XRCC6: variants seen among roughly 807,000 people sequenced by gnomAD.
The protein encoded by XRCC6 is X-ray repair cross complementing 6.
XRCC6 carries 5 observed loss-of-function variants against 65.7 expected under a neutral mutation model. That is an observed-to-expected ratio of 0.08 (90% CI 0.04 to 0.16). The LOEUF (loss-of-function observed/expected upper bound fraction) is 0.16, where lower values mean the gene tolerates loss of function less well. XRCC6 is among the 10% of genes least tolerant of loss of function. XRCC6 has a pLI of 1.00. For missense variants in XRCC6, 447 were observed against 738.1 expected (o/e 0.61, Z 4.57); for synonymous variants, 270 against 270.6 (o/e 1.00, Z 0.02).
intron 3 of XRCC6, 171 bp downstream of exon 3, chr22:41,628,401 T>C (rs2067702436): frequency 4.0e-6 from 2 of 506,016 alleles, no homozygotes; most frequent in Non-Finnish European, 7.0e-6. Flanking sequence ...CTACAAAAAA[T>C]ACACAAATCA....
At position 41,622,011 on chromosome 22, in the gene XRCC6, G is replaced by A; in HGVS notation, c.7G>A (p.Gly3Arg). 6.2e-7 allele frequency: 1 copy of A among 1,614,248 alleles called. No individual in the cohort carries two copies. Among genetic ancestry groups the A allele is most frequent in the Non-Finnish European group, 8.5e-7 (1 of 1,180,036 alleles). The change falls in exon 2 of 13, where the codon GGG becomes AGG. Residue 3 changes from glycine to arginine, a missense_variant. This residue lies in a region of XRCC6 where 228 missense variants were observed against 307.4 expected (regional missense o/e 0.74). Transcript: ENST00000360079. ...CTAGTGAGCAGTAGCCAACATGTCAGGGTGGGAGTCATATTACAAAACCGA... is the reference window on the plus strand; with the variant it reads ...CTAGTGAGCAGTAGCCAACATGTCAAGGTGGGAGTCATATTACAAAACCGA... MSGWESYYKTEGD... is the reference protein window; with the variant it reads MSRWESYYKTEGD...
chr22:41,647,831 C>T (rs1222326207), intron 7 of XRCC6, among the ~76,000 whole-genome samples: 1 of 152,058 alleles, frequency 6.6e-6, no homozygotes, highest in Non-Finnish European at 1.5e-5. Context: ...CTTCAGCCTC[C>T]TAAAGTGCTG....
intron 6 of XRCC6, among the ~76,000 whole-genome samples, chr22:41,642,189 T>C (rs562212714): frequency 3.3e-5 from 5 of 152,358 alleles, no homozygotes; most frequent in South Asian, 4.1e-4. Context: ...ATCTCTGATA[T>C]ACAGATTTCC....
At chr22:41,638,149 G>A (rs969880515) in intron 6 of XRCC6, among the ~76,000 whole-genome samples, 2 of 152,140 alleles carry the variant, frequency 1.3e-5, no homozygotes, top group East Asian at 3.8e-4. Flanking sequence ...GGCAAGAGCT[G>A]GCATGATATT....
chr22:41,632,140 G>GTGGGGAGAGGGAGACCGTGGGGAGAGGGA (rs2067761555), intron 3 of XRCC6, among the ~76,000 whole-genome samples: 1 of 147,510 alleles, frequency 6.8e-6, no homozygotes, highest in Non-Finnish European at 1.5e-5. Flanking sequence ...GAGGGAGACC[G>GTGGGGAGAGGGAGACCGTGGGGAGAGGGA]TGGGGAGAGG....
chr22:41,642,783 G>A (rs1242218349), intron 6 of XRCC6, among the ~76,000 whole-genome samples: 3 of 152,116 alleles, frequency 2.0e-5, no homozygotes, highest in African/African-American at 2.4e-5. Context: ...TGCATTTATC[G>A]TCAACTCTCC....
At chr22:41,647,180 C>A in intron 7 of XRCC6, 98 bp downstream of exon 7, 1 of 1,305,764 alleles carries the variant, frequency 7.7e-7, no homozygotes, top group Non-Finnish European at 1.1e-6. Context: ...CTCGCTACAG[C>A]CTTGACCTCC....
At chr22:41,633,957 G>C (rs1202227737) in intron 3 of XRCC6, among the ~76,000 whole-genome samples, 2 of 152,162 alleles carry the variant, frequency 1.3e-5, no homozygotes, top group African/African-American at 4.8e-5. Context: ...GAACCTAAAA[G>C]GAGCCCTTAC....
chr22:41,635,154 C>T (rs1269021303), intron 3 of XRCC6, among the ~76,000 whole-genome samples: 6 of 152,200 alleles, frequency 3.9e-5, no homozygotes, highest in Non-Finnish European at 8.8e-5. Context: ...AACCTACACA[C>T]ATCCTCCCCT....
Position 41,628,097 on chromosome 22 carries a change from CT to C in XRCC6, c.83-19del. The stretch of plus-strand genomic sequence containing the variant: ...ATACGAAAACAAGGACAAACATTTT[CT>C]TCCATTTTTTTCCCCATAGGAGACT... On this transcript the variant is annotated intron_variant, in intron 2 of 12. Transcript: ENST00000360079. 1 of 1,529,764 alleles carries C rather than the reference CT, an allele frequency of 6.5e-7. No individual in the cohort carries two copies. Among genetic ancestry groups the C allele is most frequent in the Non-Finnish European group, 9.0e-7 (1 of 1,116,528 alleles). The allele number at this position is 1,529,764 out of a possible 1,614,324, so 94.8% of individuals were successfully genotyped here.
At chr22:41,642,522 T>G in intron 6 of XRCC6, among the ~76,000 whole-genome samples, 1 of 152,254 alleles carries the variant, frequency 6.6e-6, no homozygotes. Flanking sequence ...AAGAAATCTT[T>G]GCCAAGCTCA....
intron 7 of XRCC6, among the ~76,000 whole-genome samples, chr22:41,647,913 A>G (rs2067950813): frequency 6.6e-6 from 1 of 152,020 alleles, no homozygotes; most frequent in South Asian, 2.1e-4. Flanking sequence ...CTGAAGAGTT[A>G]ACTAGGAGGA....
Position 41,657,497 on chromosome 22 carries a change from TTATTATTA to T in XRCC6, c.1421+467_1421+474del, listed in dbSNP as rs1323421112. Among the ~76,000 whole-genome samples, 33 of 14,242 alleles carry T rather than the reference TTATTATTA, an allele frequency of 2.3e-3. No homozygotes were observed. In the East Asian group the frequency reaches 0.24, roughly 104 times the overall value. The allele number at this position is 14,242 out of a possible 152,430, so 9.3% of individuals were successfully genotyped here. Reference sequence around the variant, plus strand: ...ACATGTCATTTTTAAAAATTTATTATTATTATTATTATTATTATTATTATTATTATTAT... The same window carrying T: ...ACATGTCATTTTTAAAAATTTATTATTTATTATTATTATTATTATTATTAT... On this transcript the variant is annotated intron_variant, in intron 10 of 12. Coordinates refer to ENST00000360079, the MANE Select transcript of XRCC6 (RefSeq NM_001469.5).
chr22:41,622,181 C>T (rs2067615489), intron 2 of XRCC6, 95 bp downstream of exon 2: 9 of 1,226,218 alleles, frequency 7.3e-6, no homozygotes, highest in South Asian at 1.3e-5. Context: ...TGATGGCCTG[C>T]CCTTCTCCTC....
chr22:41,641,750 T>C (rs143199930), intron 6 of XRCC6, among the ~76,000 whole-genome samples: 2 of 152,266 alleles, frequency 1.3e-5, no homozygotes, highest in East Asian at 3.9e-4. Context: ...TGAAACAACA[T>C]TGCATAGTGA....
chr22:41,657,837 G>A (rs2068059631), intron 10 of XRCC6, among the ~76,000 whole-genome samples: 1 of 151,888 alleles, frequency 6.6e-6, no homozygotes, highest in Non-Finnish European at 1.5e-5. Flanking sequence ...TTTCTAAGTT[G>A]ACTTGAGACA....
chr22:41,657,662 C>CCCTT (rs1287775149), intron 10 of XRCC6, among the ~76,000 whole-genome samples: 1 of 150,756 alleles, frequency 6.6e-6, no homozygotes, highest in Non-Finnish European at 1.5e-5. Flanking sequence ...TGGGACCATA[C>CCCTT]CCTTGCACCA....
At chr22:41,637,951 C>G (rs948575695) in intron 6 of XRCC6, among the ~76,000 whole-genome samples, 160 bp downstream of exon 6, 1 of 125,482 alleles carries the variant, frequency 8.0e-6, no homozygotes, top group Admixed American at 7.9e-5. Context: ...TGGCAAGACC[C>G]TCTCTCTACC....
At chr22:41,632,971 A>G (rs1283923361) in intron 3 of XRCC6, among the ~76,000 whole-genome samples, 1 of 151,938 alleles carries the variant, frequency 6.6e-6, no homozygotes, top group East Asian at 1.9e-4. Flanking sequence ...TACTAAAAAT[A>G]CAAAAATTAG....
Sources: allele counts gnomAD v4.1 joint callset (sites outside exome capture counted in the v4.1 genomes callset), GRCh38; gene constraint gnomAD v4.1.1; regional missense constraint gnomAD v4.1.1; transcripts MANE v1.5; gene names NCBI Gene and HGNC (gene_info 2026-07-23, HGNC 2026-07-21).